The following CLCN2 variants were observed in gnomAD, a reference collection of about 807,000 sequenced individuals.
CLCN2 encodes chloride voltage-gated channel 2, also known as chloride channel protein 2.
In CLCN2, 72 loss-of-function variants were observed where a neutral mutation model predicts 108.3. That is an observed-to-expected ratio of 0.66 (90% CI 0.55 to 0.81). The LOEUF (loss-of-function observed/expected upper bound fraction) is 0.81. Among genes scored for constraint, CLCN2 ranks in the 30% least tolerant of loss-of-function variants. The pLI, the probability that CLCN2 is intolerant of heterozygous loss-of-function variation, is 0.00. For synonymous variants in CLCN2, 471 were observed against 467.1 expected (o/e 1.01, Z -0.11); for missense variants, 1,048 against 1,205.2 (o/e 0.87, Z 1.93).
rs1184136694 is a variant in CLCN2 at position 184,361,456 on chromosome 3, T to C, written c.24A>G (p.Glu8=). 2 of 1,612,818 alleles carry C rather than the reference T, an allele frequency of 1.2e-6. No homozygotes were observed. Among genetic ancestry groups the C allele is most frequent in the East Asian group, 2.2e-5 (1 of 44,876 alleles). MAAAAAE[E]GMEPRALQYE... is the part of the protein sequence containing the mutation. ...ACTGCAGCGCCCGTGGCTCCATCCC[T>C]TCCTCCGCCGCCGCGGCCGCCATCT... is the stretch of plus-strand genomic sequence containing the variant. Residue 8 remains glutamate, a synonymous_variant, in exon 1 of 24, where the codon GAA becomes GAG. Coordinates refer to ENST00000265593, the MANE Select transcript of CLCN2 (RefSeq NM_004366.6). The surrounding 1 kb of genome is among the most constrained non-coding windows in gnomAD (Gnocchi z 6.6).
Position 184,353,236 on chromosome 3 carries a change from G to T in CLCN2, c.2028+14C>A, listed in dbSNP as rs533476630. 1.9e-6 allele frequency: 3 copies of T among 1,613,962 alleles called. No individual in the cohort carries two copies. Among genetic ancestry groups the T allele is most frequent in the South Asian group, 2.2e-5 (2 of 91,082 alleles). ...CAATGACATTTAGGAAGCGTTTGTG[G>T]CTTTTCCCCTCACCTGGAAGCAGAC... On this transcript the variant is annotated intron_variant, in intron 17 of 23. Transcript: ENST00000265593.
At chr3:184,356,148 C>T (rs993312735) in intron 10 of CLCN2, 2 of 338,566 alleles carry the variant, frequency 5.9e-6, no homozygotes, top group South Asian at 2.5e-5. Context: ...CTCTCTTTGT[C>T]TCTCTGCAGT....
In CLCN2 at chr3:184,353,430, G is replaced by A; in HGVS notation, c.1856-8C>T. On this transcript the variant is annotated splice_region_variant and splice_polypyrimidine_tract_variant and intron_variant, in intron 16 of 23. Transcript: ENST00000265593. ...CCAGCAGAATCATGGACTCTGGACAGAACAGGTGGAAGGACTCAGGAGCTG... is the reference window on the plus strand; with the variant it reads ...CCAGCAGAATCATGGACTCTGGACAAAACAGGTGGAAGGACTCAGGAGCTG... 6.2e-7 allele frequency: 1 copy of A among 1,600,192 alleles called. No individual in the cohort carries two copies. The highest frequency in any genetic ancestry group is 8.5e-7 in the Non-Finnish European group (1 of 1,173,088).
In CLCN2 at chr3:184,355,586, A is replaced by G. The variant is rs1728488228; in HGVS notation, c.1171-57T>C. The G allele has an allele frequency of 6.2e-7, 1 of 1,609,274 alleles. No homozygotes were observed. Among genetic ancestry groups the G allele is most frequent in the Middle Eastern group, 1.7e-4 (1 of 6,046 alleles). On this transcript the variant is annotated intron_variant, in intron 11 of 23. Transcript: ENST00000265593. The surrounding 1 kb of genome is among the most constrained non-coding windows in gnomAD (Gnocchi z 6.3). Reference sequence around the variant, plus strand: ...ACCGACAGGATGAAGGGAAGAGGCCATGGGATCCCACGGGGAACAAGGGGT... The same window carrying G: ...ACCGACAGGATGAAGGGAAGAGGCCGTGGGATCCCACGGGGAACAAGGGGT...
At chr3:184,350,444 T>C (rs1244288247) in intron 22 of CLCN2, among the ~76,000 whole-genome samples, 1 of 152,016 alleles carries the variant, frequency 6.6e-6, no homozygotes, top group Non-Finnish European at 1.5e-5. Context: ...TACTTATTAT[T>C]ATTTTTTTGA....
At chr3:184,354,772 G>C in intron 13 of CLCN2, 114 bp from the exon 14 acceptor site, 1 of 1,314,202 alleles carries the variant, frequency 7.6e-7, no homozygotes, top group Non-Finnish European at 1.1e-6. Context: ...TCAGTGTAGG[G>C]CACAGCCCTG....
At position 184,346,635 on chromosome 3, in the gene CLCN2, G is replaced by A; in HGVS notation, c.2668C>T (p.Pro890Ser). The A allele has an allele frequency of 6.2e-7, 1 of 1,614,130 alleles. No homozygotes were observed. Among genetic ancestry groups the A allele is most frequent in the Non-Finnish European group, 8.5e-7 (1 of 1,180,030 alleles). ...TGGCATTTGTCGTCGCTGTCGGAAG[G>A]GCTGCCCTCCCGGGGGAGGCCATGA... ...SRHGLPREGS[P>S]SDSDDKCQ Residue 890 changes from proline to serine, a missense_variant, in exon 24 of 24, where the codon CCT becomes TCT. Physicochemically the swap from Pro to Ser is moderately conservative, Grantham distance 74. Coordinates refer to ENST00000265593, the MANE Select transcript of CLCN2 (RefSeq NM_004366.6). The surrounding 1 kb of genome is among the most constrained non-coding windows in gnomAD (Gnocchi z 6.0).
At position 184,361,499 on chromosome 3, in the gene CLCN2, G is replaced by C. The variant is rs1185416642; in HGVS notation, c.-20C>G. ...CGCCATCTCCGCGCACTGCCCTCTC[G>C]CCTCCCTCGGCGGTTCCGGCTCTGT... On this transcript the variant is annotated 5_prime_UTR_variant, in exon 1 of 24. Transcript: ENST00000265593. The surrounding 1 kb of genome is among the most constrained non-coding windows in gnomAD (Gnocchi z 6.6). 3.1e-6 allele frequency: 5 copies of C among 1,608,392 alleles called. No homozygotes were observed. The highest frequency in any genetic ancestry group is 3.4e-6 in the Non-Finnish European group (4 of 1,179,688).
chr3:184,355,387 A>T lies in CLCN2; in HGVS notation c.1313T>A (p.Phe438Tyr). The change falls in exon 12 of 24, where the codon TTC becomes TAC. Residue 438 changes from phenylalanine (F) to tyrosine (Y), a missense_variant. Phe to Tyr is a conservative substitution (Grantham distance 22). Transcript: ENST00000265593. This position sits in a 1 kb window ranked among gnomAD's most constrained non-coding sequence, Gnocchi z 6.3. ...TGAGGAGCCCACCTTCATGAGAATG[A>T]AGATGACCAGGGTGAGGAAGACGTT... ...RANVFLTLVIFILMKFWMSAL... is the reference protein window; with the variant it reads ...RANVFLTLVIYILMKFWMSAL... 1 of 1,613,898 alleles carries T rather than the reference A, an allele frequency of 6.2e-7. No individual in the cohort carries two copies. Among genetic ancestry groups the T allele is most frequent in the Non-Finnish European group, 8.5e-7 (1 of 1,179,998 alleles).
At chr3:184,354,875 G>C (rs372129367) in intron 13 of CLCN2, 29 bp downstream of exon 13, 4 of 1,607,588 alleles carry the variant, frequency 2.5e-6, no homozygotes, top group Admixed American at 3.3e-5. Context: ...GAAGGTGCAG[G>C]CTGGGTGAGC....
Position 184,357,387 on chromosome 3 carries a change from G to A in CLCN2, c.873C>T (p.Val291=), listed in dbSNP as rs202061249. 3.7e-6 allele frequency: 6 copies of A among 1,614,096 alleles called. No homozygotes were observed. In the Admixed American group the frequency reaches 6.7e-5, roughly 18 times the overall value. ...AATFSAFIFR[V]LAVWNRDEET... ...CTTCATCCCGGTTCCAGACTGCCAA[G>A]ACCCGGAAGATGAAGGCACTGAAGG... is the stretch of plus-strand genomic sequence containing the variant. The change falls in exon 8 of 24, where the codon GTC becomes GTT. Residue 291 remains valine, a synonymous_variant. Coordinates refer to ENST00000265593, the MANE Select transcript of CLCN2 (RefSeq NM_004366.6).
chr3:184,354,563 C>T lies in CLCN2; in HGVS notation c.1492G>A (p.Gly498Ser). Reference sequence around the variant, plus strand: ...AGGCACTCACCGACCACAGCGTAGCCCCCAGGCACAATCCGGTAGGTGCTG... The same window carrying T: ...AGGCACTCACCGACCACAGCGTAGCTCCCAGGCACAATCCGGTAGGTGCTG... ...DSSTYRIVPGGYAVVGAAALA... is the reference protein window; with the variant it reads ...DSSTYRIVPGSYAVVGAAALA... Residue 498 changes from glycine (G) to serine (S), a missense_variant, in exon 14 of 24, where the codon GGC becomes AGC. Coordinates refer to ENST00000265593, the MANE Select transcript of CLCN2 (RefSeq NM_004366.6). The T allele has an allele frequency of 1.2e-6, 2 of 1,613,058 alleles. No homozygotes were observed. The highest frequency in any genetic ancestry group is 1.7e-6 in the Non-Finnish European group (2 of 1,179,868).
chr3:184,361,482 C>A lies in CLCN2; in HGVS notation c.-3G>T. 6.2e-7 allele frequency: 1 copy of A among 1,611,452 alleles called. No individual in the cohort carries two copies. The highest frequency in any genetic ancestry group is 8.5e-7 in the Non-Finnish European group (1 of 1,179,888). ...TCCTCCGCCGCCGCGGCCGCCATCT[C>A]CGCGCACTGCCCTCTCGCCTCCCTC... is the stretch of plus-strand genomic sequence containing the variant. On this transcript the variant is annotated 5_prime_UTR_variant, in exon 1 of 24. Coordinates refer to ENST00000265593, the MANE Select transcript of CLCN2 (RefSeq NM_004366.6). This position sits in a 1 kb window ranked among gnomAD's most constrained non-coding sequence, Gnocchi z 6.6.
In CLCN2 at chr3:184,361,341, G is replaced by A; in HGVS notation, c.63+76C>T. On this transcript the variant is annotated intron_variant, in intron 1 of 23. Transcript: ENST00000265593. This position sits in a 1 kb window ranked among gnomAD's most constrained non-coding sequence, Gnocchi z 6.6. Reference sequence around the variant, plus strand: ...AGGACAGGATTAGGGTAGGCCCCTGGTCCTCGCGCTTCCCAGGGTAACCTG... The same window carrying A: ...AGGACAGGATTAGGGTAGGCCCCTGATCCTCGCGCTTCCCAGGGTAACCTG... 1 of 1,458,384 alleles carries A rather than the reference G, an allele frequency of 6.9e-7. No homozygotes were observed. The highest frequency in any genetic ancestry group is 9.6e-7 in the Non-Finnish European group (1 of 1,039,178). 90.3% of individuals were successfully genotyped at this position (1,458,384 alleles called of 1,614,324 possible).
chr3:184,354,719 G>C, intron 13 of CLCN2, 61 bp from the exon 14 acceptor site: 1 of 1,414,746 alleles, frequency 7.1e-7, no homozygotes, highest in Middle Eastern at 1.8e-4. Flanking sequence ...GGGGCACTAG[G>C]AAGAGAGAGG....
At chr3:184,354,820 C>G in intron 13 of CLCN2, 84 bp downstream of exon 13, 5 of 1,510,490 alleles carry the variant, frequency 3.3e-6, no homozygotes, top group South Asian at 1.1e-5. Flanking sequence ...ACCAAAAACC[C>G]GCTCTTGGGC....
At chr3:184,350,091 TGTTA>T (rs2108558159) in intron 22 of CLCN2, among the ~76,000 whole-genome samples, 1 of 152,370 alleles carries the variant, frequency 6.6e-6, no homozygotes, top group African/African-American at 2.4e-5. Context: ...TTTGTACTTT[TGTTA>T]GTTGGTTCCT....
chr3:184,358,556 T>C, intron 3 of CLCN2, 126 bp downstream of exon 3: 1 of 1,340,276 alleles, frequency 7.5e-7, no homozygotes, highest in Non-Finnish European at 1.0e-6. Flanking sequence ...ATCTGGGCAG[T>C]CAGACTGGCT....
intron 1 of CLCN2, among the ~76,000 whole-genome samples, chr3:184,360,152 G>C (rs963509235): frequency 3.3e-5 from 5 of 152,022 alleles, no homozygotes; most frequent in Admixed American, 6.6e-5. Flanking sequence ...GAAGAAGTAC[G>C]GAGGAGGAAG....
Sources: gnomAD v4.1 joint callset for allele counts (sites outside exome capture counted in the v4.1 genomes callset) on GRCh38, gnomAD v4.1.1 for gene constraint, Gnocchi (gnomAD v3.1) non-coding constraint, MANE v1.5 for transcripts, NCBI Gene and HGNC (gene_info 2026-07-23, HGNC 2026-07-21) for gene names.